Variants in RGS5 observed in about 807,000 individuals in gnomAD.
RGS5 encodes regulator of G protein signaling 5.
RGS5 carries 20 observed loss-of-function variants against 18.9 expected under a neutral mutation model. The ratio of observed to expected loss-of-function variants is 1.06; its 90% CI spans 0.74 to 1.54. RGS5 has a LOEUF of 1.54. Ranked by LOEUF, RGS5 falls within the 40% of genes most tolerant of loss-of-function variation. The pLI is 0.00. For missense variants in RGS5, 201 were observed against 211.8 expected (o/e 0.95, Z 0.32); for synonymous variants, 57 against 76.2 (o/e 0.75, Z 1.31).
At chr1:163,162,858 C>G (rs1019964853) in intron 2 of RGS5, 1 of 152,114 alleles carries the variant, frequency 6.6e-6, no homozygotes, top group African/African-American at 2.4e-5. Context: ...TCACCCAGCT[C>G]GAACTCTTGC....
At chr1:163,294,878 T>C (rs944987898) in intron 2 of RGS5, among the ~76,000 whole-genome samples, 1 of 152,124 alleles carries the variant, frequency 6.6e-6, no homozygotes, top group African/African-American at 2.4e-5. Flanking sequence ...CCCTAAATCA[T>C]CTCTTTCAAG....
rs986779806 is a variant in RGS5 at position 163,174,005 on chromosome 1, G to T, written c.45-5637C>A. ...GGCAGAGAATTGCTTGAACCCAGGA[G>T]GTGGAGGTTGCAGTAAGCCAAGATC... On this transcript the variant is annotated intron_variant, in intron 1 of 4. Coordinates refer to ENST00000313961, the MANE Select transcript of RGS5 (RefSeq NM_003617.4). Among the ~76,000 whole-genome samples the T allele has an allele frequency of 2.6e-5, 4 of 152,264 alleles. No homozygotes were observed. The South Asian group carries it at 8.3e-4, about 32-fold the overall frequency.
intron 2 of RGS5, among the ~76,000 whole-genome samples, chr1:163,166,903 A>T (rs955585737): frequency 3.9e-5 from 6 of 152,194 alleles, no homozygotes; most frequent in Non-Finnish European, 5.9e-5. Flanking sequence ...CACATTGTTT[A>T]CTTCAAAATA....
chr1:163,200,442 A>G (rs1490099874), intron 1 of RGS5, among the ~76,000 whole-genome samples: 2 of 151,948 alleles, frequency 1.3e-5, no homozygotes, highest in African/African-American at 2.4e-5. Context: ...TGGCTTGGAG[A>G]GAAGAAATGC....
chr1:163,161,875 A>G (rs919660839), intron 3 of RGS5, 40 bp downstream of exon 3: 3 of 1,522,196 alleles, frequency 2.0e-6, no homozygotes, highest in African/African-American at 2.7e-5. Context: ...TCTGTCTCTA[A>G]CCTGACCTTT....
intron 1 of RGS5, among the ~76,000 whole-genome samples, chr1:163,314,545 A>AAAC (rs555810232): frequency 4.2e-4 from 63 of 151,730 alleles, no homozygotes; most frequent in South Asian, 1.9e-3. Context: ...CAACAAAACA[A>AAAC]AACAACAACA....
chr1:163,240,907 G>A (rs909362774), intron 2 of RGS5, among the ~76,000 whole-genome samples: 2 of 152,102 alleles, frequency 1.3e-5, no homozygotes, highest in Non-Finnish European at 2.9e-5. Flanking sequence ...GATGGCACAC[G>A]CCTATAGCCC....
chr1:163,255,954 T>C (rs1270136987), intron 2 of RGS5, among the ~76,000 whole-genome samples: 1 of 152,072 alleles, frequency 6.6e-6, no homozygotes, highest in East Asian at 1.9e-4. Flanking sequence ...ATTGATGGGA[T>C]GTATCTCAAA....
At chr1:163,201,048 T>C (rs1659753374) in intron 1 of RGS5, among the ~76,000 whole-genome samples, 1 of 152,176 alleles carries the variant, frequency 6.6e-6, no homozygotes, top group South Asian at 2.1e-4. Context: ...TCTCACCAAA[T>C]GCCAAGCAAT....
At chr1:163,250,164 A>G (rs756230358) in intron 2 of RGS5, among the ~76,000 whole-genome samples, 1 of 152,212 alleles carries the variant, frequency 6.6e-6, no homozygotes, top group Non-Finnish European at 1.5e-5. Flanking sequence ...AACATGGCCT[A>G]GGCTATGTTG....
chr1:163,230,010 C>G (rs1420816534), intron 2 of RGS5, among the ~76,000 whole-genome samples: 1 of 152,134 alleles, frequency 6.6e-6, no homozygotes, highest in South Asian at 2.1e-4. Context: ...TAATTGTTGG[C>G]TGATTAGAAA....
In RGS5 at chr1:163,148,816, G is replaced by A. The variant is rs78359453; in HGVS notation, c.385-1313C>T. Reference sequence around the variant, plus strand: ...GGAATCTTTATACTCCATGTTGTACGATTTAATGGTTTTTAAGGATTTTGA... The same window carrying A: ...GGAATCTTTATACTCCATGTTGTACAATTTAATGGTTTTTAAGGATTTTGA... On this transcript the variant is annotated intron_variant, in intron 4 of 4. Transcript: ENST00000313961. Among the ~76,000 whole-genome samples the A allele has an allele frequency of 1.1e-3, 162 of 152,312 alleles. 1 individual carries two copies. The East Asian group carries it at 0.029, about 27-fold the overall frequency.
chr1:163,262,233 T>C (rs1158581380), intron 2 of RGS5, among the ~76,000 whole-genome samples: 1 of 124,140 alleles, frequency 8.1e-6, no homozygotes, highest in Non-Finnish European at 1.7e-5. Context: ...TGTATACATG[T>C]GCCATGCTGG....
upstream of RGS5, among the ~76,000 whole-genome samples, chr1:163,217,821 A>T (rs149402457): frequency 5.0e-4 from 76 of 152,290 alleles, 1 homozygote; most frequent in East Asian, 0.014. Context: ...CACTGTTTGA[A>T]TTGGGATTTA....
At chr1:163,277,022 T>C (rs966882708) in intron 2 of RGS5, among the ~76,000 whole-genome samples, 5 of 152,184 alleles carry the variant, frequency 3.3e-5, no homozygotes, top group African/African-American at 1.2e-4. Context: ...ACCTTTAGTC[T>C]GATAAGAAAC....
chr1:163,161,086 T>C (rs1471829767), intron 3 of RGS5, among the ~76,000 whole-genome samples: 3 of 152,232 alleles, frequency 2.0e-5, no homozygotes, highest in Non-Finnish European at 4.4e-5. Context: ...CAAGGAACAC[T>C]AGGCATTTCT....
chr1:163,295,235 T>C (rs1476859002), intron 2 of RGS5, among the ~76,000 whole-genome samples: 1 of 152,200 alleles, frequency 6.6e-6, no homozygotes, highest in Admixed American at 6.5e-5. Flanking sequence ...ATTAGTCTGT[T>C]CTCACACTGC....
At chr1:163,175,102 A>T (rs1385276651) in intron 1 of RGS5, among the ~76,000 whole-genome samples, 2 of 152,188 alleles carry the variant, frequency 1.3e-5, no homozygotes, top group Non-Finnish European at 2.9e-5. Context: ...CCACGGACTA[A>T]AAAGAACATG....
rs767246365 is a variant in RGS5 at position 163,161,948 on chromosome 1, G to A, written c.184C>T (p.Arg62Cys). Residue 62 changes from arginine to cysteine, a missense_variant, in exon 3 of 5, where the codon CGT becomes TGT. Coordinates refer to ENST00000313961, the MANE Select transcript of RGS5 (RefSeq NM_003617.4). ...KTSLDEALQW[R>C]DSLDKLLQNN... is the part of the protein sequence containing the mutation. ...TGCAGGAGTTTGTCCAGGGAATCAC[G>A]CCACTGCAGGGCCTCGTCCAGCGAG... 1.9e-5 allele frequency: 30 copies of A among 1,613,112 alleles called. No homozygotes were observed. The East Asian group carries it at 2.0e-4, about 11-fold the overall frequency.
Sources: allele counts gnomAD v4.1 joint callset (sites outside exome capture counted in the v4.1 genomes callset), GRCh38; gene constraint gnomAD v4.1.1; transcripts MANE v1.5; gene names NCBI Gene and HGNC (gene_info 2026-07-23, HGNC 2026-07-21).